The following ST14 variants were observed in gnomAD, a reference collection of about 807,000 sequenced individuals.
ST14 encodes suppressor of tumorigenicity 14 protein.
A neutral mutation model predicts 96.5 loss-of-function variants in ST14; 40 were observed. That is an observed-to-expected ratio of 0.41 (90% CI 0.32 to 0.54). The LOEUF (loss-of-function observed/expected upper bound fraction) is 0.54, where lower values mean the gene tolerates loss of function less well. Ranked by LOEUF, ST14 falls within the 20% of genes least tolerant of loss-of-function variation. ST14 has a pLI of 0.17. For synonymous variants in ST14, 506 were observed against 492.1 expected (o/e 1.03, Z -0.37); for missense variants, 1,066 against 1,188.9 (o/e 0.90, Z 1.52).
intron 16 of ST14, among the ~76,000 whole-genome samples, chr11:130,207,063 G>A (rs78980923): frequency 0.027 from 4,131 of 152,196 alleles, 193 homozygotes; most frequent in African/African-American, 0.092. Context: ...TTGTGAGGCC[G>A]CATTGCTGTT....
chr11:130,206,042 C>T (rs1410210354), intron 16 of ST14, among the ~76,000 whole-genome samples: 1 of 152,194 alleles, frequency 6.6e-6, no homozygotes, highest in African/African-American at 2.4e-5. Context: ...AGTCAAGGGT[C>T]ACGCCTTGTA....
intron 1 of ST14, among the ~76,000 whole-genome samples, chr11:130,167,553 T>C (rs1295461156): frequency 1.3e-5 from 2 of 152,144 alleles, no homozygotes; most frequent in Non-Finnish European, 2.9e-5. Context: ...TTAATGAACT[T>C]ATCAAACATT....
chr11:130,194,617 C>T (rs1207251070), intron 8 of ST14, 23 bp from the exon 9 acceptor site: 2 of 1,613,052 alleles, frequency 1.2e-6, no homozygotes, highest in Non-Finnish European at 1.7e-6. Context: ...GATCCTCTTG[C>T]TTTCTCCCAC....
chr11:130,197,895 G>C lies in ST14; in HGVS notation c.1409G>C (p.Arg470Pro). 1 of 1,597,494 alleles carries C rather than the reference G, an allele frequency of 6.3e-7. No homozygotes were observed. ...RTGRCIRKELRCDGWADCTDH... is the reference protein window; with the variant it reads ...RTGRCIRKELPCDGWADCTDH... ...GGGCGGTGTATCCGGAAGGAGCTGC[G>C]CTGTGATGGCTGGGCCGACTGCACC... Residue 470 changes from arginine to proline, a missense_variant, in exon 12 of 19, where the codon CGC becomes CCC. By Grantham distance (103) the Arg-to-Pro change is moderately radical (BLOSUM62 -2). Transcript: ENST00000278742.
chr11:130,161,677 G>A (rs1394039799), intron 1 of ST14, among the ~76,000 whole-genome samples: 2 of 152,134 alleles, frequency 1.3e-5, no homozygotes, highest in Non-Finnish European at 2.9e-5. Flanking sequence ...CCTCCTCTGC[G>A]AAGCTCATTT....
intron 1 of ST14, among the ~76,000 whole-genome samples, chr11:130,166,426 G>C (rs987398694): frequency 6.6e-6 from 1 of 152,156 alleles, no homozygotes; most frequent in Non-Finnish European, 1.5e-5. Context: ...TGCCTAAGGG[G>C]GGGTCTGTTC....
At chr11:130,190,403 C>T (rs3016860) in intron 6 of ST14, 51 bp from the exon 7 acceptor site, 4 of 1,601,794 alleles carry the variant, frequency 2.5e-6, no homozygotes, top group Non-Finnish European at 3.4e-6. Flanking sequence ...CCTCCCCCAG[C>T]TCTGCCCAGC....
At chr11:130,192,039 C>T (rs1406623401) in intron 7 of ST14, among the ~76,000 whole-genome samples, 2 of 152,160 alleles carry the variant, frequency 1.3e-5, no homozygotes, top group Non-Finnish European at 2.9e-5. Context: ...AACGGAAAGG[C>T]GTGGTTAATG....
At chr11:130,178,930 A>G (rs1953165641) in intron 1 of ST14, among the ~76,000 whole-genome samples, 1 of 152,322 alleles carries the variant, frequency 6.6e-6, no homozygotes, top group Non-Finnish European at 1.5e-5. Flanking sequence ...GAAAAGTGAT[A>G]GCCTCAGGGA....
chr11:130,198,169 G>T, intron 12 of ST14, 139 bp from the exon 13 acceptor site: 1 of 947,780 alleles, frequency 1.1e-6, no homozygotes, highest in Non-Finnish European at 1.7e-6. Context: ...AGGTCAGCTT[G>T]GTAGCTGGTG....
intron 7 of ST14, among the ~76,000 whole-genome samples, chr11:130,192,875 C>A (rs140745704): frequency 6.4e-4 from 98 of 152,278 alleles, no homozygotes; most frequent in African/African-American, 1.9e-3. Flanking sequence ...GGAGGGGACA[C>A]AATCAGGATG....
rs149202397 is a variant in ST14, at chr11:130,208,369, C to T, written c.1995-41C>T. 39 of 1,613,550 alleles carry T rather than the reference C, an allele frequency of 2.4e-5. No homozygotes were observed. In the East Asian group the frequency reaches 8.7e-4, roughly 36 times the overall value. On this transcript the variant is annotated intron_variant, in intron 16 of 18. Coordinates refer to ENST00000278742, the MANE Select transcript of ST14 (RefSeq NM_021978.4). The stretch of plus-strand genomic sequence containing the variant: ...GGGGCCGCGAGGCCGTGTGCACAGA[C>T]CCGAGTGACCGCGCAGTCTCATAGC...
chr11:130,172,012 C>G (rs1303584892), intron 1 of ST14, among the ~76,000 whole-genome samples: 1 of 152,134 alleles, frequency 6.6e-6, no homozygotes, highest in Non-Finnish European at 1.5e-5. Flanking sequence ...CTGGCAGATG[C>G]TAGGTGCTTA....
chr11:130,190,633 G>A lies in ST14; in HGVS notation c.814G>A (p.Gly272Ser), dbSNP rs746320143. 97 of 1,610,610 alleles carry A rather than the reference G, an allele frequency of 6.0e-5. No individual in the cohort carries two copies. The highest frequency in any genetic ancestry group is 7.5e-5 in the Non-Finnish European group (88 of 1,178,874). Residue 272 changes from glycine to serine, a missense_variant, in exon 7 of 19, where the codon GGC becomes AGC. Transcript: ENST00000278742. ...SFDLASCDER[G>S]SDLVTVYNTL... The stretch of plus-strand genomic sequence containing the variant: ...TGACCTTGCGTCCTGCGACGAGCGC[G>A]GCAGCGACCTGGTGACGGTGTACAA...
Position 130,188,859 on chromosome 11 carries a change from C to T in ST14, c.370-10C>T, listed in dbSNP as rs1183780619. 4 of 1,612,398 alleles carry T rather than the reference C, an allele frequency of 2.5e-6. No homozygotes were observed. The South Asian group carries it at 3.3e-5, about 13-fold the overall frequency. On this transcript the variant is annotated splice_polypyrimidine_tract_variant and intron_variant, in intron 3 of 18. Coordinates refer to ENST00000278742, the MANE Select transcript of ST14 (RefSeq NM_021978.4). The surrounding 1 kb of genome is among the most constrained non-coding windows in gnomAD (Gnocchi z 5.4). The stretch of plus-strand genomic sequence containing the variant: ...CATGGGGCTCACCTTGAGTCTCTGC[C>T]CTTCCTCAGCTGAAGCTGCTGTACA...
intron 1 of ST14, among the ~76,000 whole-genome samples, chr11:130,185,193 A>C (rs1953226346): frequency 6.6e-6 from 1 of 152,266 alleles, no homozygotes; most frequent in Non-Finnish European, 1.5e-5. Flanking sequence ...CAAATACAAG[A>C]TGCCATGAAA....
intron 1 of ST14, among the ~76,000 whole-genome samples, chr11:130,175,448 C>T (rs999640244): frequency 1.1e-4 from 17 of 152,068 alleles, no homozygotes; most frequent in African/African-American, 3.6e-4. Flanking sequence ...GGCGCAATCT[C>T]GGCTCATCCC....
chr11:130,205,506 C>T (rs1264525961), intron 16 of ST14, among the ~76,000 whole-genome samples: 3 of 152,076 alleles, frequency 2.0e-5, no homozygotes, highest in African/African-American at 4.8e-5. Flanking sequence ...TGTTTGCACC[C>T]GCATGTATTT....
At position 130,181,331 on chromosome 11, in the gene ST14, G is replaced by C. The variant is rs1476498545; in HGVS notation, c.82-6783G>C. Among the ~76,000 whole-genome samples the C allele has an allele frequency of 6.6e-6, 1 of 152,166 alleles. No individual in the cohort carries two copies. The highest frequency in any genetic ancestry group is 1.5e-5 in the Non-Finnish European group (1 of 68,034). Reference sequence around the variant, plus strand: ...CCTGGAAGTCATTCCTCGTTCCCTTGTCTGAGTGGCCTGGAGCCGAGCTGT... The same window carrying C: ...CCTGGAAGTCATTCCTCGTTCCCTTCTCTGAGTGGCCTGGAGCCGAGCTGT... On this transcript the variant is annotated intron_variant, in intron 1 of 18. Coordinates refer to ENST00000278742, the MANE Select transcript of ST14 (RefSeq NM_021978.4). This position sits in a 1 kb window ranked among gnomAD's most constrained non-coding sequence, Gnocchi z 4.1.
Sources: gnomAD v4.1 joint callset for allele counts (sites outside exome capture counted in the v4.1 genomes callset) on GRCh38, gnomAD v4.1.1 for gene constraint, Gnocchi (gnomAD v3.1) non-coding constraint, MANE v1.5 for transcripts, NCBI Gene and HGNC (gene_info 2026-07-23, HGNC 2026-07-21) for gene names.